The following NME7 variants were observed in gnomAD, a reference collection of about 807,000 sequenced individuals.
NME7 encodes the protein NME/NM23 family member 7.
Under a neutral mutation model 49.1 loss-of-function variants are expected in NME7, and 41 were observed. The ratio of observed to expected loss-of-function variants is 0.83; its 90% CI spans 0.65 to 1.08. The LOEUF (loss-of-function observed/expected upper bound fraction) is 1.08, where lower values mean the gene tolerates loss of function less well. Ranked by LOEUF, NME7 falls within the 50% of genes least tolerant of loss-of-function variation. The pLI is 0.00. For missense variants in NME7, 423 were observed against 463.4 expected, an observed-to-expected ratio of 0.91 and a Z score of 0.80; for synonymous variants, 139 against 150.6, an observed-to-expected ratio of 0.92 and a Z score of 0.56.
chr1:169,237,770 AGTACT>A, intron 7 of NME7, 83 bp from the exon 8 acceptor site: 1 of 1,050,214 alleles, frequency 9.5e-7, no homozygotes, highest in Non-Finnish European at 1.4e-6. Flanking sequence ...TTTATAGCAA[AGTACT>A]TTTTGTTTAT....
intron 4 of NME7, 40 bp from the exon 5 acceptor site, chr1:169,303,235 A>C: frequency 9.5e-7 from 1 of 1,055,230 alleles, no homozygotes; most frequent in Non-Finnish European, 1.4e-6. Context: ...AGAATTATAA[A>C]ATTAAACACT....
chr1:169,289,774 A>G (rs2101897956), intron 6 of NME7, among the ~76,000 whole-genome samples: 1 of 152,308 alleles, frequency 6.6e-6, no homozygotes, highest in Admixed American at 6.5e-5. Flanking sequence ...TTATTTATAA[A>G]GCATAAAGAT....
chr1:169,345,190 C>T (rs557056351), intron 1 of NME7, among the ~76,000 whole-genome samples: 3 of 151,448 alleles, frequency 2.0e-5, no homozygotes, highest in Admixed American at 2.0e-4. Flanking sequence ...CTCTTTCATT[C>T]CTGATTTTGA....
intron 10 of NME7, among the ~76,000 whole-genome samples, chr1:169,223,221 T>C (rs1356898118): frequency 6.6e-6 from 1 of 152,200 alleles, no homozygotes; most frequent in Non-Finnish European, 1.5e-5. Context: ...TACATTCTTT[T>C]TATTTCATCC....
intron 7 of NME7, chr1:169,283,770 G>A (rs928330880): frequency 1.3e-5 from 2 of 152,084 alleles, no homozygotes; most frequent in African/African-American, 4.8e-5. Context: ...GTTGAATATT[G>A]GCCCCCACTC....
Position 169,355,074 on chromosome 1 carries a change from TATA to T in NME7, c.3+12631_3+12633del, listed in dbSNP as rs1359616313. ...TATATAATATACTATATATTATAGATATAATATATAATATACTATATATTATAG... is the reference window on the plus strand; with the variant it reads ...TATATAATATACTATATATTATAGATATATATAATATACTATATATTATAG... On this transcript the variant is annotated intron_variant, in intron 1 of 11. Transcript: ENST00000367811. Among the ~76,000 whole-genome samples the T allele has an allele frequency of 1.1e-4, 7 of 64,090 alleles. 1 individual carries two copies. The highest frequency in any genetic ancestry group is 1.9e-4 in the Non-Finnish European group (7 of 37,258). The allele number at this position is 64,090 out of a possible 152,430, so 42.0% of individuals were successfully genotyped here.
At chr1:169,165,371 T>C (rs889790615) in intron 11 of NME7, among the ~76,000 whole-genome samples, 1 of 152,192 alleles carries the variant, frequency 6.6e-6, no homozygotes, top group Admixed American at 6.5e-5. Context: ...CCATACTTTC[T>C]GAGCTCTATA....
At chr1:169,213,828 TAA>T (rs1491404847) in intron 10 of NME7, among the ~76,000 whole-genome samples, 2 of 128,746 alleles carry the variant, frequency 1.6e-5, no homozygotes, top group Non-Finnish European at 3.7e-5. Context: ...AATAAATAAA[TAA>T]ATATATATAT....
intron 1 of NME7, among the ~76,000 whole-genome samples, chr1:169,336,275 G>T (rs61806986): frequency 0.1 from 15,676 of 152,154 alleles, 854 homozygotes; most frequent in Admixed American, 0.12. Flanking sequence ...CCCAAAGAGT[G>T]AGCAGTAGCA....
At chr1:169,295,871 A>C (rs1472934359) in intron 6 of NME7, among the ~76,000 whole-genome samples, 3 of 151,988 alleles carry the variant, frequency 2.0e-5, no homozygotes, top group African/African-American at 7.2e-5. Context: ...AGCTGTTTTG[A>C]TCTTGCTTCC....
intron 11 of NME7, among the ~76,000 whole-genome samples, chr1:169,166,404 A>G (rs746407787): frequency 1.6e-4 from 24 of 152,220 alleles, no homozygotes; most frequent in Non-Finnish European, 3.2e-4. Context: ...TTGGATTATA[A>G]CAGAAAATCT....
chr1:169,366,093 A>G (rs1653841437), intron 1 of NME7, among the ~76,000 whole-genome samples: 2 of 152,214 alleles, frequency 1.3e-5, no homozygotes, highest in African/African-American at 4.8e-5. Flanking sequence ...GTGTTAGTAG[A>G]ATCCATGTGA....
At chr1:169,243,074 G>A (rs1424165432) in intron 7 of NME7, among the ~76,000 whole-genome samples, 1 of 151,916 alleles carries the variant, frequency 6.6e-6, no homozygotes, top group Non-Finnish European at 1.5e-5. Flanking sequence ...TAAGATAAAG[G>A]AACTAGAATA....
At chr1:169,177,460 G>A (rs1001107747) in intron 10 of NME7, among the ~76,000 whole-genome samples, 3 of 152,124 alleles carry the variant, frequency 2.0e-5, no homozygotes, top group Non-Finnish European at 2.9e-5. Flanking sequence ...CTTTCCTGCC[G>A]AAGAATCTCT....
At chr1:169,170,390 C>T (rs1009048396) in intron 10 of NME7, among the ~76,000 whole-genome samples, 11 of 152,274 alleles carry the variant, frequency 7.2e-5, no homozygotes, top group Admixed American at 5.9e-4. Flanking sequence ...AGATTCTGAG[C>T]AGCACTCACA....
At chr1:169,192,363 C>T (rs1016375339) in intron 10 of NME7, among the ~76,000 whole-genome samples, 22 of 152,206 alleles carry the variant, frequency 1.4e-4, no homozygotes, top group African/African-American at 4.6e-4. Flanking sequence ...TGCACCTATA[C>T]AGAACATATA....
chr1:169,336,506 T>A (rs1295680846), intron 1 of NME7, among the ~76,000 whole-genome samples: 1 of 152,196 alleles, frequency 6.6e-6, no homozygotes, highest in Non-Finnish European at 1.5e-5. Flanking sequence ...ATCAGATTAG[T>A]TAGATACAGA....
At chr1:169,229,390 C>T (rs1412149205) in intron 10 of NME7, among the ~76,000 whole-genome samples, 1 of 152,046 alleles carries the variant, frequency 6.6e-6, no homozygotes, top group Non-Finnish European at 1.5e-5. Context: ...TCTTTCATAC[C>T]CCTGCTTATA....
chr1:169,360,712 C>A (rs1653621809), intron 1 of NME7, among the ~76,000 whole-genome samples: 1 of 152,178 alleles, frequency 6.6e-6, no homozygotes, highest in African/African-American at 2.4e-5. Flanking sequence ...GCTTAAAAGT[C>A]ACATCCTCAT....
Sources: allele counts gnomAD v4.1 joint callset (sites outside exome capture counted in the v4.1 genomes callset), GRCh38; gene constraint gnomAD v4.1.1; transcripts MANE v1.5; gene names NCBI Gene and HGNC (gene_info 2026-07-23, HGNC 2026-07-21).